The following AGO1 variants were observed in gnomAD, a reference collection of about 807,000 sequenced individuals.
AGO1 encodes argonaute RISC component 1.
A neutral mutation model predicts 109.2 loss-of-function variants in AGO1; 11 were observed. That is an observed-to-expected ratio of 0.10 (90% CI 0.06 to 0.17). The LOEUF is 0.17. AGO1 is among the 10% of genes least tolerant of loss of function. The pLI is 1.00. For missense variants in AGO1, 574 were observed against 1,140.3 expected (o/e 0.50, Z 7.15); for synonymous variants, 422 against 418.6 (o/e 1.01, Z -0.10).
chr1:35,916,543 T>C (rs989355650), intron 15 of AGO1, among the ~76,000 whole-genome samples: 2 of 152,162 alleles, frequency 1.3e-5, no homozygotes, highest in Non-Finnish European at 2.9e-5. Flanking sequence ...TATTTTTGTA[T>C]TTTTAGTAGA....
chr1:35,892,510 G>A (rs780593602), intron 2 of AGO1, 47 bp from the exon 3 acceptor site: 1 of 1,613,618 alleles, frequency 6.2e-7, no homozygotes, highest in Non-Finnish European at 8.5e-7. Flanking sequence ...AAAACTTGAA[G>A]TGGTGGTAGT....
chr1:35,890,331 C>T (rs1009877890), intron 2 of AGO1, among the ~76,000 whole-genome samples: 4 of 152,150 alleles, frequency 2.6e-5, no homozygotes, highest in Non-Finnish European at 5.9e-5. Context: ...CCAATTGTTA[C>T]CATTCTTGAA....
chr1:35,880,555 G>A (rs1645027256), upstream of AGO1, among the ~76,000 whole-genome samples: 1 of 152,088 alleles, frequency 6.6e-6, no homozygotes, highest in Non-Finnish European at 1.5e-5. Context: ...GTAAGACCCT[G>A]TCTCAAAAAA....
At chr1:35,874,931 T>C (rs1171133924) in intron 1 of AGO1, among the ~76,000 whole-genome samples, 1 of 152,218 alleles carries the variant, frequency 6.6e-6, no homozygotes, top group African/African-American at 2.4e-5. Flanking sequence ...CTCTCTTCAA[T>C]TCTGTGAGTG....
chr1:35,876,315 G>T (rs1644992326), intron 1 of AGO1, among the ~76,000 whole-genome samples: 1 of 149,078 alleles, frequency 6.7e-6, no homozygotes, highest in Non-Finnish European at 1.5e-5. Flanking sequence ...TGCCCAGCCT[G>T]GAGTACAGTG....
intron 7 of AGO1, 152 bp downstream of exon 7, chr1:35,894,554 C>A: frequency 2.7e-6 from 2 of 733,080 alleles, no homozygotes; most frequent in Non-Finnish European, 4.6e-6. Flanking sequence ...AATTTGGCAT[C>A]CTTTCTCAAC....
At position 35,893,063 on chromosome 1, in the gene AGO1, C is replaced by T. The variant is rs1645250831; in HGVS notation, c.331-34C>T. On this transcript the variant is annotated intron_variant, in intron 3 of 18. Coordinates refer to ENST00000373204, the MANE Select transcript of AGO1 (RefSeq NM_012199.5). The surrounding 1 kb of genome is among the most constrained non-coding windows in gnomAD (Gnocchi z 5.6). Reference sequence around the variant, plus strand: ...GGGGGTCATTCTCGCAGAGCAATGGCAATCCTTCATCCCTTTCTTTCACCC... The same window carrying T: ...GGGGGTCATTCTCGCAGAGCAATGGTAATCCTTCATCCCTTTCTTTCACCC... 1.3e-6 allele frequency: 2 copies of T among 1,596,930 alleles called. No individual in the cohort carries two copies. Among genetic ancestry groups the T allele is most frequent in the South Asian group, 1.1e-5 (1 of 89,672 alleles).
chr1:35,902,311 A>T lies in AGO1; in HGVS notation c.1371A>T (p.Gln457His). The change falls in exon 11 of 19, where the codon CAA becomes CAT. Residue 457 changes from glutamine to histidine, a missense_variant. Coordinates refer to ENST00000373204, the MANE Select transcript of AGO1 (RefSeq NM_012199.5). ...GGGCCATCGCCTGCTTCGCACCCCA[A>T]AAACAGTGTCGAGAAGAGGTGCTCA... ...KVWAIACFAP[Q>H]KQCREEVLKN... The T allele has an allele frequency of 2.5e-6, 4 of 1,614,114 alleles. No individual in the cohort carries two copies. The highest frequency in any genetic ancestry group is 3.4e-6 in the Non-Finnish European group (4 of 1,180,020).
chr1:35,889,157 G>A (rs1428099777), intron 2 of AGO1, among the ~76,000 whole-genome samples: 1 of 150,758 alleles, frequency 6.6e-6, no homozygotes, highest in African/African-American at 2.4e-5. Flanking sequence ...GGAGGGATTA[G>A]CCTTATTTAG....
Position 35,888,600 on chromosome 1 carries a change from A to G in AGO1, c.199A>G (p.Arg67Gly). 1 of 1,614,254 alleles carries G rather than the reference A, an allele frequency of 6.2e-7. No homozygotes were observed. The highest frequency in any genetic ancestry group is 8.5e-7 in the Non-Finnish European group (1 of 1,180,042). ...VDIKPDKCPR[R>G]VNREVVEYMV... Reference sequence around the variant, plus strand: ...CATCAAGCCGGATAAGTGTCCCCGTAGAGTCAACCGGTAAGTGATGCACAC... The same window carrying G: ...CATCAAGCCGGATAAGTGTCCCCGTGGAGTCAACCGGTAAGTGATGCACAC... Residue 67 changes from arginine to glycine, a missense_variant, in exon 2 of 19, where the codon AGA becomes GGA. Physicochemically the swap from Arg to Gly is moderately radical, Grantham distance 125. Coordinates refer to ENST00000373204, the MANE Select transcript of AGO1 (RefSeq NM_012199.5). The surrounding 1 kb of genome is among the most constrained non-coding windows in gnomAD (Gnocchi z 4.1).
In AGO1 at chr1:35,893,642, C is replaced by T. The variant is rs377046896; in HGVS notation, c.513-32C>T. On this transcript the variant is annotated intron_variant, in intron 4 of 18. Coordinates refer to ENST00000373204, the MANE Select transcript of AGO1 (RefSeq NM_012199.5). This position sits in a 1 kb window ranked among gnomAD's most constrained non-coding sequence, Gnocchi z 5.6. ...GCCTCACAGGGTGGGGGCCTGTGCC[C>T]GAGGGACCAGTTCTCTGCCTGTCCC... 9 of 1,585,650 alleles carry T rather than the reference C, an allele frequency of 5.7e-6. No homozygotes were observed. The highest frequency in any genetic ancestry group is 7.7e-6 in the Non-Finnish European group (9 of 1,162,466).
At chr1:35,887,482 C>G (rs1396989350) in intron 1 of AGO1, among the ~76,000 whole-genome samples, 5 of 152,198 alleles carry the variant, frequency 3.3e-5, no homozygotes, top group Non-Finnish European at 7.3e-5. Context: ...CTATCCCTTT[C>G]CCAAGGGCCT....
In AGO1 at chr1:35,892,683, G is replaced by C. The variant is rs1557606158; in HGVS notation, c.330+6G>C. On this transcript the variant is annotated splice_donor_region_variant and intron_variant, in intron 3 of 18. Transcript: ENST00000373204. ...TGCCCATTGGCAACGAACGGGTAAG[G>C]TTGGGAGTCAGGCTAGGCCTGTGTC... 19 of 1,614,082 alleles carry C rather than the reference G, an allele frequency of 1.2e-5. No homozygotes were observed. The highest frequency in any genetic ancestry group is 1.7e-5 in the Admixed American group (1 of 60,006).
Position 35,895,230 on chromosome 1 carries a change from A to G in AGO1, c.981A>G (p.Gln327=). The change falls in exon 8 of 19, where the codon CAA becomes CAG. Residue 327 remains glutamine (Q), a synonymous_variant. Coordinates refer to ENST00000373204, the MANE Select transcript of AGO1 (RefSeq NM_012199.5). The stretch of plus-strand genomic sequence containing the variant: ...AGTATCCCCATCTGCCCTGCCTACA[A>G]GTTGGCCAGGAACAAAAGCATACCT... ...QLKYPHLPCL[Q]VGQEQKHTYL... is the part of the protein sequence containing the mutation. The G allele has an allele frequency of 6.2e-7, 1 of 1,614,022 alleles. No individual in the cohort carries two copies. Among genetic ancestry groups the G allele is most frequent in the Non-Finnish European group, 8.5e-7 (1 of 1,179,942 alleles).
At chr1:35,880,956 G>A (rs1267780343), upstream of AGO1, among the ~76,000 whole-genome samples, 1 of 151,976 alleles carries the variant, frequency 6.6e-6, no homozygotes, top group Non-Finnish European at 1.5e-5. Context: ...CACTGTGCCC[G>A]GCCACTGAAG....
At chr1:35,916,477 CT>C (rs1205428414) in intron 15 of AGO1, among the ~76,000 whole-genome samples, 3 of 152,164 alleles carry the variant, frequency 2.0e-5, no homozygotes, top group Admixed American at 6.5e-5. Context: ...AAGCGATTCT[CT>C]TTCCTCAGCC....
At position 35,906,833 on chromosome 1, in the gene AGO1, C is replaced by G. The variant is rs1645529169; in HGVS notation, c.1398-102C>G. 6 of 846,364 alleles carry G rather than the reference C, an allele frequency of 7.1e-6. No individual in the cohort carries two copies. In the East Asian group the frequency reaches 1.1e-4, roughly 16 times the overall value. The allele number at this position is 846,364 out of a possible 1,614,324, so 52.4% of individuals were successfully genotyped here. On this transcript the variant is annotated intron_variant, in intron 11 of 18. Transcript: ENST00000373204. ...GAAAAAAAAAAAAAAAAACCAATCT[C>G]TCAGTGCCTCTTATAGTGCTAAGCA...
intron 2 of AGO1, among the ~76,000 whole-genome samples, chr1:35,889,318 A>T (rs1049402597): frequency 6.7e-6 from 1 of 148,972 alleles, no homozygotes; most frequent in Non-Finnish European, 1.5e-5. Context: ...GCTTTAAGCT[A>T]TTCTCCTGGC....
intron 15 of AGO1, among the ~76,000 whole-genome samples, chr1:35,916,388 G>A (rs1435159541): frequency 6.6e-6 from 1 of 151,670 alleles, no homozygotes; most frequent in Non-Finnish European, 1.5e-5. Flanking sequence ...TTTTTTGGGG[G>A]GAACAGAGTC....
Sources: allele counts gnomAD v4.1 joint callset (sites outside exome capture counted in the v4.1 genomes callset), GRCh38; gene constraint gnomAD v4.1.1; non-coding constraint Gnocchi (gnomAD v3.1); transcripts MANE v1.5; gene names NCBI Gene and HGNC (gene_info 2026-07-23, HGNC 2026-07-21).